The following COLEC11 variants were observed in gnomAD, a reference collection of about 807,000 sequenced individuals.
The protein encoded by COLEC11 is collectin subfamily member 11, also known as collectin-11.
Under a neutral mutation model 27.3 loss-of-function variants are expected in COLEC11, and 20 were observed. The observed-to-expected ratio is 0.73, with a 90% CI of 0.51 to 1.06. COLEC11 has a LOEUF of 1.06. Ranked by LOEUF, COLEC11 falls within the 50% of genes least tolerant of loss-of-function variation. COLEC11 has a pLI of 0.00. For missense variants in COLEC11, 310 were observed against 383.0 expected (o/e 0.81, Z 1.59); for synonymous variants, 163 against 154.7 (o/e 1.05, Z -0.40).
chr2:3,629,570 G>A (rs1309302312), intron 3 of COLEC11, among the ~76,000 whole-genome samples: 1 of 152,226 alleles, frequency 6.6e-6, no homozygotes, highest in African/African-American at 2.4e-5. Context: ...ATATGTGCAT[G>A]CATGTGTGCA....
rs3969475 is a variant in COLEC11 at position 3,617,579 on chromosome 2, G to T, written c.202+4197G>T. The T allele has an allele frequency of 1.0e-4, 164 of 1,609,276 alleles. No homozygotes were observed. In the African/African-American group the frequency reaches 2.0e-3, roughly 20 times the overall value. ...TTTGCCTGCTTGCTTCTCCTGTTCA[G>T]TCGTTTCTTTGGAAGGCAGTGGATT... On this transcript the variant is annotated intron_variant, in intron 3 of 6. Transcript: ENST00000349077.
intron 3 of COLEC11, among the ~76,000 whole-genome samples, chr2:3,616,992 T>C (rs1374857176): frequency 6.6e-6 from 1 of 152,194 alleles, no homozygotes; most frequent in African/African-American, 2.4e-5. Context: ...GTAGGTTGTT[T>C]TTATGTGATG....
intron 6 of COLEC11, 85 bp downstream of exon 6, chr2:3,643,624 CGCCTGCCCT>C (rs929660842): frequency 9.4e-6 from 15 of 1,598,002 alleles, no homozygotes; most frequent in Middle Eastern, 3.5e-4. Context: ...GCCGTGCCCA[CGCCTGCCCT>C]GCCTGCCCTG....
At chr2:3,632,811 C>A (rs1012112614) in intron 3 of COLEC11, among the ~76,000 whole-genome samples, 2 of 152,174 alleles carry the variant, frequency 1.3e-5, no homozygotes, top group Non-Finnish European at 2.9e-5. Flanking sequence ...CCCACTGAGT[C>A]CCCACTTGGA....
At chr2:3,615,728 C>A (rs1027057833) in intron 3 of COLEC11, among the ~76,000 whole-genome samples, 1 of 150,434 alleles carries the variant, frequency 6.6e-6, no homozygotes, top group Non-Finnish European at 1.5e-5. Context: ...GGCAGAGGCG[C>A]CCCCCACCTC....
chr2:3,630,257 A>G (rs184194807), intron 3 of COLEC11, among the ~76,000 whole-genome samples: 53 of 152,324 alleles, frequency 3.5e-4, no homozygotes, highest in Admixed American at 1.8e-3. Flanking sequence ...GTGTATGTGT[A>G]CATGCATGTA....
intron 4 of COLEC11, among the ~76,000 whole-genome samples, chr2:3,638,654 G>C (rs1172900944): frequency 6.6e-6 from 1 of 152,174 alleles, no homozygotes; most frequent in Non-Finnish European, 1.5e-5. Flanking sequence ...TCTGTGGCCA[G>C]GAGAGCGATG....
intron 1 of COLEC11, among the ~76,000 whole-genome samples, chr2:3,598,589 GT>G (rs1485236156): frequency 1.3e-5 from 2 of 152,244 alleles, no homozygotes; most frequent in African/African-American, 4.8e-5. Context: ...AAGTCAGCTG[GT>G]GGGGTCCTGG....
chr2:3,622,160 C>T (rs1324095505), intron 3 of COLEC11, among the ~76,000 whole-genome samples: 1 of 147,578 alleles, frequency 6.8e-6, no homozygotes, highest in East Asian at 2.0e-4. Context: ...CAGAATGAGA[C>T]TCCATCTCAA....
intron 1 of COLEC11, among the ~76,000 whole-genome samples, chr2:3,596,337 A>T (rs1474416763): frequency 3.2e-4 from 43 of 132,724 alleles, no homozygotes; most frequent in South Asian, 2.2e-3. Flanking sequence ...TGTCTATTTC[A>T]TTTTTTTTTT....
At position 3,637,610 on chromosome 2, in the gene COLEC11, T is replaced by G; in HGVS notation, c.274+6T>G. The stretch of plus-strand genomic sequence containing the variant: ...TGGTCCCATTGGCTCTAAAGGTATT[T>G]GCAATGCGATTCTTGCCTCATTTCC... On this transcript the variant is annotated splice_donor_region_variant and intron_variant, in intron 4 of 6. Transcript: ENST00000349077. 1.2e-6 allele frequency: 2 copies of G among 1,612,196 alleles called. No individual in the cohort carries two copies. The highest frequency in any genetic ancestry group is 8.5e-7 in the Non-Finnish European group (1 of 1,178,244).
chr2:3,613,455 AGGTGGGGGT>A, intron 3 of COLEC11, 73 bp downstream of exon 3: 1 of 1,307,396 alleles, frequency 7.6e-7, no homozygotes, highest in Non-Finnish European at 1.0e-6. Flanking sequence ...CCGGGTGGGG[AGGTGGGGGT>A]GGTGGTTCCA....
At chr2:3,621,859 T>A (rs1357864377) in intron 3 of COLEC11, among the ~76,000 whole-genome samples, 1 of 152,222 alleles carries the variant, frequency 6.6e-6, no homozygotes. Context: ...TATCACAATT[T>A]ACATCTTTTT....
Position 3,615,696 on chromosome 2 carries a change from A to G in COLEC11, c.202+2314A>G, listed in dbSNP as rs560181821. ...TGGCGGCCGGGCAGAGGGGCTCCTC[A>G]CTTCCCAGAAGGGGGCGGCTGGGCA... On this transcript the variant is annotated intron_variant, in intron 3 of 6. Coordinates refer to ENST00000349077, the MANE Select transcript of COLEC11 (RefSeq NM_024027.5). Among the ~76,000 whole-genome samples, 539 of 152,046 alleles carry G rather than the reference A, an allele frequency of 3.5e-3. 6 individuals are homozygous for G. The highest frequency in any genetic ancestry group is 2.1e-3 in the Non-Finnish European group (144 of 67,922).
chr2:3,603,332 T>C (rs1662377519), intron 1 of COLEC11: 1 of 205,640 alleles, frequency 4.9e-6, no homozygotes, highest in African/African-American at 2.3e-5. Flanking sequence ...ATTTTATTTT[T>C]TTTTGGGACG....
At chr2:3,611,258 C>A (rs1663167944) in intron 2 of COLEC11, among the ~76,000 whole-genome samples, 3 of 152,258 alleles carry the variant, frequency 2.0e-5, no homozygotes, top group Admixed American at 2.0e-4. Context: ...GCTTCCTCCT[C>A]ACCGCTGGCT....
rs60222284 is a variant in COLEC11, at chr2:3,625,625, C to CTTTTTTTTTTTTTTTTTTTTTTTT, written c.203-11889_203-11888insTTTTTTTTTTTTTTTTTTTTTTTT. Among the ~76,000 whole-genome samples the CTTTTTTTTTTTTTTTTTTTTTTTT allele has an allele frequency of 3.4e-4, 31 of 91,458 alleles. 2 individuals carry two copies. Among genetic ancestry groups the CTTTTTTTTTTTTTTTTTTTTTTTT allele is most frequent in the African/African-American group, 7.2e-4 (15 of 20,838 alleles). The allele number at this position is 91,458 out of a possible 152,430, so 60.0% of individuals were successfully genotyped here. A position where few individuals can be genotyped will look rare whatever the true frequency, so the allele number is the denominator to read the frequency against. On this transcript the variant is annotated intron_variant, in intron 3 of 6. Transcript: ENST00000349077. ...GGAAAGTTTCTTTTCTTCTTTTTTACTTTTTTTTTTTTTTTTTTTGAGACA... is the reference window on the plus strand; with the variant it reads ...GGAAAGTTTCTTTTCTTCTTTTTTACTTTTTTTTTTTTTTTTTTTTTTTTTTTTTTTTTTTTTTTTTTTGAGACA...
rs572899111 is a variant in COLEC11 at position 3,614,068 on chromosome 2, C to A, written c.202+686C>A. ...CTTGGCTCACTGTAACCTTCTCCTCCCAGGTTCAAGCTATTCTCCTGCCTC... is the reference window on the plus strand; with the variant it reads ...CTTGGCTCACTGTAACCTTCTCCTCACAGGTTCAAGCTATTCTCCTGCCTC... On this transcript the variant is annotated intron_variant, in intron 3 of 6. Coordinates refer to ENST00000349077, the MANE Select transcript of COLEC11 (RefSeq NM_024027.5). 3.8e-4 allele frequency among the ~76,000 whole-genome samples: 58 copies of A among 151,502 alleles called. 1 individual carries two copies. The highest frequency in any genetic ancestry group is 1.4e-3 in the African/African-American group (58 of 41,246).
At chr2:3,626,138 A>T in intron 3 of COLEC11, 2 of 1,496,604 alleles carry the variant, frequency 1.3e-6, no homozygotes, top group Non-Finnish European at 1.9e-6. Flanking sequence ...TTGGACCCTG[A>T]GATGCAGAGA....
Sources: gnomAD v4.1 joint callset for allele counts (sites outside exome capture counted in the v4.1 genomes callset) on GRCh38, gnomAD v4.1.1 for gene constraint, MANE v1.5 for transcripts, NCBI Gene and HGNC (gene_info 2026-07-23, HGNC 2026-07-21) for gene names.